Variants in NCAPG observed in about 807,000 individuals in gnomAD.
NCAPG encodes condensin complex subunit 3.
Under a neutral mutation model 113.1 loss-of-function variants are expected in NCAPG, and 69 were observed. That is an observed-to-expected ratio of 0.61 (90% CI 0.50 to 0.75). The LOEUF is 0.75. Ranked by LOEUF, NCAPG falls within the 30% of genes least tolerant of loss-of-function variation. The pLI is 0.00. For missense variants in NCAPG, 1,058 were observed against 1,177.0 expected (o/e 0.90, Z 1.48); for synonymous variants, 370 against 415.8 (o/e 0.89, Z 1.34).
At chr4:17,821,708 C>T (rs1721462943) in intron 7 of NCAPG, among the ~76,000 whole-genome samples, 1 of 152,028 alleles carries the variant, frequency 6.6e-6, no homozygotes, top group South Asian at 2.1e-4. Flanking sequence ...AAGTGATCCT[C>T]CCGCCTCAAC....
rs1203009390 is a variant in NCAPG, at chr4:17,840,699, G to A, written c.2854+6G>A. On this transcript the variant is annotated splice_donor_region_variant and intron_variant, in intron 19 of 20. Transcript: ENST00000251496. The stretch of plus-strand genomic sequence containing the variant: ...TCAGCTAAAGACTAACAGAGGTAGT[G>A]TGTGGATTGACCATCTTTATGATAA... 3.4e-6 allele frequency: 5 copies of A among 1,481,596 alleles called. No individual in the cohort carries two copies. Among genetic ancestry groups the A allele is most frequent in the East Asian group, 4.9e-5 (2 of 40,406 alleles). 91.8% of individuals were successfully genotyped at this position (1,481,596 alleles called of 1,614,324 possible).
At chr4:17,817,884 A>G (rs1224249353) in intron 6 of NCAPG, 55 bp from the exon 7 acceptor site, 2 of 1,516,706 alleles carry the variant, frequency 1.3e-6, no homozygotes, top group Non-Finnish European at 8.8e-7. Flanking sequence ...GTACTCTTCA[A>G]TTCTTAATGA....
rs553746046 is a variant in NCAPG at position 17,834,415 on chromosome 4, T to G, written c.2001T>G (p.Cys667Trp). The G allele has an allele frequency of 6.2e-7, 1 of 1,612,038 alleles. No homozygotes were observed. The highest frequency in any genetic ancestry group is 8.5e-7 in the Non-Finnish European group (1 of 1,178,986). ...FKTKKIKTLH[C>W]EGTEINSDDE... ...CTAAAAAAATCAAAACACTTCATTGTGAAGGTACAGAAATAAACAGTGATG... is the reference window on the plus strand; with the variant it reads ...CTAAAAAAATCAAAACACTTCATTGGGAAGGTACAGAAATAAACAGTGATG... The change falls in exon 14 of 21, where the codon TGT becomes TGG. Residue 667 changes from cysteine (C) to tryptophan (W), a missense_variant. Cys to Trp is a radical substitution (Grantham distance 215, BLOSUM62 -2). Transcript: ENST00000251496.
At chr4:17,837,050 C>G in intron 14 of NCAPG, 109 bp from the exon 15 acceptor site, 1 of 876,954 alleles carries the variant, frequency 1.1e-6, no homozygotes, top group South Asian at 2.0e-5. Flanking sequence ...TGTAATAACT[C>G]GAATGGTTTT....
At chr4:17,828,541 A>G (rs900100119) in intron 12 of NCAPG, among the ~76,000 whole-genome samples, 153 bp downstream of exon 12, 2 of 152,130 alleles carry the variant, frequency 1.3e-5, no homozygotes, top group Admixed American at 6.5e-5. Context: ...CAGCTACTTC[A>G]TATTGTGAGG....
At chr4:17,823,878 G>A (rs935733285) in intron 9 of NCAPG, 108 bp downstream of exon 9, 11 of 900,700 alleles carry the variant, frequency 1.2e-5, no homozygotes, top group South Asian at 8.1e-5. Flanking sequence ...TTTTAGGTTC[G>A]TCTCTTTAAT....
chr4:17,812,904 G>C lies in NCAPG; in HGVS notation c.316-13G>C. 6.2e-7 allele frequency: 1 copy of C among 1,606,404 alleles called. No homozygotes were observed. Among genetic ancestry groups the C allele is most frequent in the Non-Finnish European group, 8.5e-7 (1 of 1,173,646 alleles). The stretch of plus-strand genomic sequence containing the variant: ...TGTGACTATGAATAAATTTTGATTT[G>C]TTTCTGTTTTAGTCTCATGAAGCAA... On this transcript the variant is annotated splice_polypyrimidine_tract_variant and intron_variant, in intron 2 of 20. Transcript: ENST00000251496.
At chr4:17,833,519 TCTTA>T (rs1721963049) in intron 13 of NCAPG, among the ~76,000 whole-genome samples, 1 of 151,152 alleles carries the variant, frequency 6.6e-6, no homozygotes, top group Non-Finnish European at 1.5e-5. Context: ...GTTATATATA[TCTTA>T]TTTTTCCTAC....
intron 14 of NCAPG, 65 bp from the exon 15 acceptor site, chr4:17,837,094 C>G (rs1162751036): frequency 4.5e-5 from 64 of 1,413,646 alleles, no homozygotes; most frequent in Non-Finnish European, 5.9e-5. Context: ...GTAGGACAGG[C>G]TACATTGAGA....
intron 14 of NCAPG, among the ~76,000 whole-genome samples, chr4:17,835,643 C>T (rs1365438897): frequency 6.6e-6 from 1 of 152,222 alleles, no homozygotes; most frequent in Non-Finnish European, 1.5e-5. Context: ...CCCCTTCTGC[C>T]AGCCCTGACA....
chr4:17,825,318 T>A, intron 10 of NCAPG, 64 bp from the exon 11 acceptor site: 2 of 1,368,098 alleles, frequency 1.5e-6, no homozygotes, highest in Non-Finnish European at 2.0e-6. Context: ...TACTCCTGAG[T>A]TGCTACAGAT....
intron 14 of NCAPG, among the ~76,000 whole-genome samples, chr4:17,835,502 C>T (rs1353274183): frequency 6.6e-6 from 1 of 152,110 alleles, no homozygotes; most frequent in Non-Finnish European, 1.5e-5. Context: ...CAAACTAATA[C>T]TGTTAATGTG....
At chr4:17,812,157 G>T (rs1721004953) in intron 1 of NCAPG, 64 bp from the exon 2 acceptor site, 7 of 1,196,998 alleles carry the variant, frequency 5.8e-6, no homozygotes, top group Non-Finnish European at 8.6e-6. Flanking sequence ...TCAGTCTTAG[G>T]GTGATGTTGG....
Position 17,837,684 on chromosome 4 carries a change from T to C in NCAPG, c.2349T>C (p.Asn783=). 1.2e-6 allele frequency: 2 copies of C among 1,613,988 alleles called. No individual in the cohort carries two copies. The highest frequency in any genetic ancestry group is 8.5e-7 in the Non-Finnish European group (1 of 1,179,914). ...TTCCAACCCTGCAAACACTGGCCAA[T>C]GCCCCTGCATCTTCTCCTTTAGCTG... The part of the protein sequence containing the change: ...AFLPTLQTLA[N]APASSPLAEI... The change falls in exon 16 of 21, where the codon AAT becomes AAC. Residue 783 remains asparagine, a synonymous_variant. Transcript: ENST00000251496.
chr4:17,842,834 AATTGT>A (rs1466152915), intron 20 of NCAPG: 1 of 164,712 alleles, frequency 6.1e-6, no homozygotes, highest in Non-Finnish European at 1.3e-5. Flanking sequence ...TCATTTGCAA[AATTGT>A]ATTGTGTGTA....
intron 4 of NCAPG, 93 bp from the exon 5 acceptor site, chr4:17,815,181 G>A: frequency 7.7e-7 from 1 of 1,298,368 alleles, no homozygotes; most frequent in Non-Finnish European, 1.1e-6. Flanking sequence ...ATTTCTTTTG[G>A]AGATTCTGGG....
chr4:17,813,258 T>C, intron 3 of NCAPG, 113 bp downstream of exon 3: 1 of 841,380 alleles, frequency 1.2e-6, no homozygotes, highest in South Asian at 2.3e-5. Context: ...AATTAATATA[T>C]GATTCCGATT....
Position 17,818,089 on chromosome 4 carries a change from G to T in NCAPG, c.1118+1G>T. ...TAGTATATGCAGACTATTTATTGAG[G>T]TAAATTTTTTTTCTTTTAGTTTGGA... On this transcript the variant is annotated splice_donor_variant, in intron 7 of 20. Coordinates refer to ENST00000251496, the MANE Select transcript of NCAPG (RefSeq NM_022346.5). LOFTEE classifies it high-confidence loss of function. 1 of 1,593,044 alleles carries T rather than the reference G, an allele frequency of 6.3e-7. No individual in the cohort carries two copies. Among genetic ancestry groups the T allele is most frequent in the Non-Finnish European group, 8.5e-7 (1 of 1,172,368 alleles).
intron 16 of NCAPG, among the ~76,000 whole-genome samples, chr4:17,838,306 G>T (rs949614940): frequency 6.6e-6 from 1 of 152,114 alleles, no homozygotes; most frequent in Non-Finnish European, 1.5e-5. Flanking sequence ...GAAATTTAAT[G>T]TATTAGTGAT....
Sources: allele counts gnomAD v4.1 joint callset (sites outside exome capture counted in the v4.1 genomes callset), GRCh38; gene constraint gnomAD v4.1.1; transcripts MANE v1.5; gene names NCBI Gene and HGNC (gene_info 2026-07-23, HGNC 2026-07-21).